Variants in C12orf42 observed in about 807,000 individuals in gnomAD.
C12orf42 encodes uncharacterized protein C12orf42.
A neutral mutation model predicts 21.6 loss-of-function variants in C12orf42; 25 were observed. The ratio of observed to expected loss-of-function variants is 1.16; its 90% confidence interval spans 0.84 to 1.62. The LOEUF (loss-of-function observed/expected upper bound fraction) is 1.62. Among genes scored for constraint, C12orf42 ranks in the 40% most tolerant of loss-of-function variants. The pLI, the probability that C12orf42 is intolerant of heterozygous loss-of-function variation, is 0.00. For synonymous variants in C12orf42, 174 were observed against 175.0 expected (o/e 0.99, Z 0.05); for missense variants, 483 against 459.3 (o/e 1.05, Z -0.47).
the C12orf42 span, among the ~76,000 whole-genome samples, chr12:103,165,608 AAAAAAATC>A: frequency 1.1e-3 from 173 of 152,316 alleles, 1 homozygote; most frequent in African/African-American, 3.9e-3. Context: ...AAATGCAATT[AAAAAAATC>A]ACACAGGTTA....
intron 4 of C12orf42, among the ~76,000 whole-genome samples, chr12:103,296,493 T>G (rs1450153922): frequency 2.0e-5 from 3 of 152,186 alleles, no homozygotes; most frequent in African/African-American, 4.8e-5. Flanking sequence ...GTAAAAGCGT[T>G]CCTATTTCTC....
chr12:103,418,426 A>G (rs1185890850), intron 2 of C12orf42, among the ~76,000 whole-genome samples: 3 of 152,246 alleles, frequency 2.0e-5, no homozygotes, highest in Non-Finnish European at 1.5e-5. Context: ...TCCTTTTAAT[A>G]GAGAAAATAG....
At chr12:103,058,137 G>T in the C12orf42 span, among the ~76,000 whole-genome samples, 1 of 151,668 alleles carries the variant, frequency 6.6e-6, no homozygotes, top group Non-Finnish European at 1.5e-5. Flanking sequence ...TGTATTTTTA[G>T]GTAGAGATGG....
chr12:103,376,009 C>T (rs10507164), intron 3 of C12orf42, among the ~76,000 whole-genome samples: 22,001 of 152,176 alleles, frequency 0.14, 1,917 homozygotes, highest in South Asian at 0.28. Context: ...CTACCATCTA[C>T]TGAGTGTATT....
the C12orf42 span, chr12:103,168,065 T>C: frequency 2.0e-5 from 9 of 455,796 alleles, no homozygotes; most frequent in Non-Finnish European, 4.0e-5. Context: ...AAACAAGAAA[T>C]GATTACATTA....
intron 2 of C12orf42, among the ~76,000 whole-genome samples, chr12:103,473,885 G>A (rs1156966461): frequency 6.6e-6 from 1 of 152,172 alleles, no homozygotes; most frequent in Non-Finnish European, 1.5e-5. Context: ...CACAGAGGAT[G>A]TGCATAATAA....
At chr12:103,178,027 A>T in the C12orf42 span, 1 of 152,240 alleles carries the variant, frequency 6.6e-6, no homozygotes, top group Admixed American at 6.5e-5. Context: ...TGCTGCAAGC[A>T]ATGGTGCTTA....
chr12:103,457,198 TA>T (rs1952357521), intron 2 of C12orf42, among the ~76,000 whole-genome samples: 2 of 152,314 alleles, frequency 1.3e-5, no homozygotes, highest in South Asian at 4.1e-4. Context: ...ACTTTCAATC[TA>T]AAGCATATGA....
chr12:103,210,966 C>G, the C12orf42 span, among the ~76,000 whole-genome samples: 4 of 152,098 alleles, frequency 2.6e-5, no homozygotes, highest in Non-Finnish European at 5.9e-5. Flanking sequence ...GCCCGGATGA[C>G]AAAGCGAGAC....
downstream of C12orf42, among the ~76,000 whole-genome samples, chr12:103,299,622 T>G (rs1393320283): frequency 6.6e-6 from 1 of 152,174 alleles, no homozygotes; most frequent in Non-Finnish European, 1.5e-5. Context: ...TGTGAAACAA[T>G]TATTTTTTAC....
the C12orf42 span, among the ~76,000 whole-genome samples, chr12:103,122,213 T>C: frequency 6.6e-6 from 1 of 152,242 alleles, no homozygotes; most frequent in Non-Finnish European, 1.5e-5. Flanking sequence ...TCTCTCTGCA[T>C]GTTTCCATCT....
At chr12:103,140,337 C>T in the C12orf42 span, among the ~76,000 whole-genome samples, 2 of 152,172 alleles carry the variant, frequency 1.3e-5, no homozygotes, top group South Asian at 4.2e-4. Context: ...AATATTCAGA[C>T]CCCGGGAAGG....
intron 10 of C12orf42, among the ~76,000 whole-genome samples, chr12:103,262,686 C>G (rs779317687): frequency 5.9e-5 from 9 of 152,080 alleles, no homozygotes; most frequent in African/African-American, 1.9e-4. Flanking sequence ...GAAATAGGAA[C>G]GCTTTTACAC....
At chr12:103,070,090 C>G in the C12orf42 span, among the ~76,000 whole-genome samples, 1 of 152,158 alleles carries the variant, frequency 6.6e-6, no homozygotes, top group South Asian at 2.1e-4. Flanking sequence ...CACTGTAAGA[C>G]AAAAATTCTA....
At chr12:103,257,516 A>G (rs2034673295) in intron 10 of C12orf42, among the ~76,000 whole-genome samples, 1 of 152,170 alleles carries the variant, frequency 6.6e-6, no homozygotes. Context: ...TGAAGAAGCA[A>G]TAAAAATCAG....
chr12:103,132,089 G>C, the C12orf42 span, among the ~76,000 whole-genome samples: 1 of 152,158 alleles, frequency 6.6e-6, no homozygotes, highest in South Asian at 2.1e-4. Flanking sequence ...ATTTGAGGCA[G>C]AATGGGGTGA....
chr12:103,432,442 T>C (rs1592778770), intron 2 of C12orf42, among the ~76,000 whole-genome samples: 1 of 152,216 alleles, frequency 6.6e-6, no homozygotes, highest in East Asian at 1.9e-4. Flanking sequence ...CCTGCGCATA[T>C]CTGACTAGCT....
the C12orf42 span, among the ~76,000 whole-genome samples, chr12:103,207,428 T>G: frequency 0.4 from 61,455 of 151,872 alleles, 12,982 homozygotes; most frequent in South Asian, 0.49. Flanking sequence ...TCCTTTGTAG[T>G]TTAAAATGCG....
chr12:103,309,348 T>C (rs182217842), intron 4 of C12orf42, among the ~76,000 whole-genome samples: 2 of 152,340 alleles, frequency 1.3e-5, no homozygotes, highest in African/African-American at 2.4e-5. Flanking sequence ...ACTTAATGAA[T>C]AGTAAATACA....
Sources: allele counts gnomAD v4.1 joint callset (sites outside exome capture counted in the v4.1 genomes callset), GRCh38; gene constraint gnomAD v4.1.1; transcripts MANE v1.5; gene names NCBI Gene and HGNC (gene_info 2026-07-23, HGNC 2026-07-21).